Variants in PCP4L1 observed in about 807,000 individuals in gnomAD.
PCP4L1 encodes Purkinje cell protein 4-like protein 1.
A neutral mutation model predicts 9.6 loss-of-function variants in PCP4L1; 9 were observed. The observed-to-expected ratio is 0.94, with a 90% CI of 0.57 to 1.64. PCP4L1 has a LOEUF of 1.64. Ranked by LOEUF, PCP4L1 falls within the 40% of genes most tolerant of loss-of-function variation. PCP4L1 has a pLI of 0.00. For missense variants in PCP4L1, 81 were observed against 80.8 expected (o/e 1.00, Z -0.01); for synonymous variants, 31 against 28.2 (o/e 1.10, Z -0.31).
At chr1:161,272,811 A>G (rs1669644814) in intron 1 of PCP4L1, among the ~76,000 whole-genome samples, 1 of 152,030 alleles carries the variant, frequency 6.6e-6, no homozygotes, top group Non-Finnish European at 1.5e-5. Context: ...ATTCCTGAGG[A>G]GGAGAAGGGT....
chr1:161,269,927 A>T (rs1669593677), intron 1 of PCP4L1, among the ~76,000 whole-genome samples: 1 of 152,012 alleles, frequency 6.6e-6, no homozygotes, highest in African/African-American at 2.4e-5. Context: ...TGAGCCCAGG[A>T]GGCCAAGGCT....
chr1:161,283,027 A>G (rs1307380698), intron 1 of PCP4L1, among the ~76,000 whole-genome samples: 1 of 152,130 alleles, frequency 6.6e-6, no homozygotes, highest in Non-Finnish European at 1.5e-5. Context: ...ACTTGTAGTA[A>G]CAGTCAAACT....
intron 1 of PCP4L1, among the ~76,000 whole-genome samples, chr1:161,264,249 G>A (rs1441014472): frequency 1.3e-5 from 2 of 151,936 alleles, no homozygotes; most frequent in Non-Finnish European, 2.9e-5. Context: ...GCTGGGCACT[G>A]TGGCTCATGC....
At chr1:161,278,953 T>C (rs1465695564) in intron 1 of PCP4L1, among the ~76,000 whole-genome samples, 6 of 152,212 alleles carry the variant, frequency 3.9e-5, no homozygotes, top group African/African-American at 9.7e-5. Context: ...TGATTAATTT[T>C]TGTAGTTTTT....
chr1:161,278,263 T>C (rs1669735036), intron 1 of PCP4L1, among the ~76,000 whole-genome samples: 1 of 152,164 alleles, frequency 6.6e-6, no homozygotes, highest in Non-Finnish European at 1.5e-5. Flanking sequence ...TATTTTACCA[T>C]GAAACTTGTC....
At chr1:161,264,948 A>G (rs1185303409) in intron 1 of PCP4L1, among the ~76,000 whole-genome samples, 10 of 152,254 alleles carry the variant, frequency 6.6e-5, no homozygotes, top group Non-Finnish European at 1.3e-4. Flanking sequence ...GTAGAATACT[A>G]GTCAGGGCAG....
intron 1 of PCP4L1, among the ~76,000 whole-genome samples, chr1:161,281,117 G>T (rs1008018280): frequency 1.3e-5 from 2 of 152,158 alleles, no homozygotes; most frequent in Admixed American, 6.5e-5. Context: ...ATTTAACCCT[G>T]AGTGGACACA....
chr1:161,260,067 C>A (rs995005599), intron 1 of PCP4L1, among the ~76,000 whole-genome samples: 2 of 152,168 alleles, frequency 1.3e-5, no homozygotes, highest in Non-Finnish European at 2.9e-5. Context: ...CTTTCTGTTT[C>A]TTTTTTCTTC....
chr1:161,270,149 T>G (rs1669598634), intron 1 of PCP4L1, among the ~76,000 whole-genome samples: 1 of 151,340 alleles, frequency 6.6e-6, no homozygotes, highest in South Asian at 2.1e-4. Flanking sequence ...ATACAAAAAT[T>G]AGCTGGGCAT....
intron 1 of PCP4L1, among the ~76,000 whole-genome samples, chr1:161,272,111 G>T (rs1669632971): frequency 6.6e-6 from 1 of 150,652 alleles, no homozygotes; most frequent in Non-Finnish European, 1.5e-5. Flanking sequence ...CTGCCTAATT[G>T]TACATATTCA....
chr1:161,281,470 G>A (rs1319224443), intron 1 of PCP4L1, among the ~76,000 whole-genome samples: 16 of 141,234 alleles, frequency 1.1e-4, no homozygotes, highest in Non-Finnish European at 1.9e-4. Context: ...AGGCGGAGGC[G>A]CCCCCCACCT....
chr1:161,264,647 G>A (rs1669499796), intron 1 of PCP4L1, among the ~76,000 whole-genome samples: 1 of 152,044 alleles, frequency 6.6e-6, no homozygotes, highest in Non-Finnish European at 1.5e-5. Flanking sequence ...TGGGCAACAT[G>A]ACAAAACCCT....
intron 1 of PCP4L1, among the ~76,000 whole-genome samples, chr1:161,277,918 C>A (rs779457180): frequency 6.6e-6 from 1 of 152,208 alleles, no homozygotes; most frequent in African/African-American, 2.4e-5. Flanking sequence ...TACATTTCTA[C>A]GTCTGCCACC....
intron 1 of PCP4L1, among the ~76,000 whole-genome samples, chr1:161,262,884 T>G (rs1669443925): frequency 6.6e-6 from 1 of 152,250 alleles, no homozygotes; most frequent in African/African-American, 2.4e-5. Context: ...TACTTTTCTA[T>G]ATTTCTAAAT....
chr1:161,259,557 T>C (rs1466930288), intron 1 of PCP4L1, among the ~76,000 whole-genome samples: 1 of 152,186 alleles, frequency 6.6e-6, no homozygotes, highest in Non-Finnish European at 1.5e-5. Context: ...CCTTCAAGAA[T>C]AGACCTCCCT....
At chr1:161,260,693 T>C (rs1268943032) in intron 1 of PCP4L1, among the ~76,000 whole-genome samples, 1 of 152,134 alleles carries the variant, frequency 6.6e-6, no homozygotes, top group Non-Finnish European at 1.5e-5. Context: ...AACAATTCGG[T>C]GTTTGAGGAG....
At position 161,268,968 on chromosome 1, in the gene PCP4L1, G is replaced by A. The variant is rs545020874; in HGVS notation, c.9+9985G>A. On this transcript the variant is annotated intron_variant, in intron 1 of 2. Coordinates refer to ENST00000504449, the MANE Select transcript of PCP4L1 (RefSeq NM_001102566.2). ...GAATGACAGAGCTGAGATTTGAACAGATAGTCAATGCAGATCCAGGGTATG... is the reference window on the plus strand; with the variant it reads ...GAATGACAGAGCTGAGATTTGAACAAATAGTCAATGCAGATCCAGGGTATG... 3.3e-5 allele frequency among the ~76,000 whole-genome samples: 5 copies of A among 152,364 alleles called. No individual in the cohort carries two copies. The South Asian group carries it at 1.0e-3, about 32-fold the overall frequency.
At chr1:161,259,689 G>A (rs1012208184) in intron 1 of PCP4L1, among the ~76,000 whole-genome samples, 2 of 152,202 alleles carry the variant, frequency 1.3e-5, no homozygotes, top group African/African-American at 4.8e-5. Flanking sequence ...GGGGGAGTGG[G>A]GGGTCAAAGC....
intron 1 of PCP4L1, among the ~76,000 whole-genome samples, chr1:161,260,356 G>C (rs969892502): frequency 2.6e-5 from 4 of 152,204 alleles, no homozygotes; most frequent in Non-Finnish European, 5.9e-5. Context: ...TTGTGACTCT[G>C]ATGATGGCAA....
Sources: gnomAD v4.1 joint callset for allele counts (sites outside exome capture counted in the v4.1 genomes callset) on GRCh38, gnomAD v4.1.1 for gene constraint, MANE v1.5 for transcripts, NCBI Gene and HGNC (gene_info 2026-07-23, HGNC 2026-07-21) for gene names.